ZNF676: variants seen among roughly 807,000 people sequenced by gnomAD.
The protein encoded by ZNF676 is zinc finger protein 676.
ZNF676 carries 4 observed loss-of-function variants against 6.0 expected under a neutral mutation model. The ratio of observed to expected loss-of-function variants is 0.67; its 90% CI spans 0.33 to 1.53. ZNF676 has a LOEUF of 1.53. Ranked by LOEUF, ZNF676 falls within the 40% of genes most tolerant of loss-of-function variation. The pLI is 0.06. For missense variants in ZNF676, 644 were observed against 679.7 expected (o/e 0.95, Z 0.58); for synonymous variants, 198 against 223.1 (o/e 0.89, Z 1.00).
At chr19:22,221,528 A>T in the ZNF676 span, among the ~76,000 whole-genome samples, 366 of 152,292 alleles carry the variant, frequency 2.4e-3, 2 homozygotes, top group African/African-American at 8.5e-3. Flanking sequence ...AGGCAGGTGG[A>T]TAACCTGAGG....
At chr19:22,224,292 G>A in the ZNF676 span, among the ~76,000 whole-genome samples, 36 of 151,182 alleles carry the variant, frequency 2.4e-4, no homozygotes, top group African/African-American at 8.7e-4. Context: ...TTTGTTTTAC[G>A]TATTATAATT....
chr19:22,220,899 A>G, the ZNF676 span, among the ~76,000 whole-genome samples: 1 of 152,112 alleles, frequency 6.6e-6, no homozygotes, highest in African/African-American at 2.4e-5. Flanking sequence ...TGAGCATGTA[A>G]AGGTATTCGT....
At chr19:22,186,240 A>G (rs533868810) in intron 2 of ZNF676, among the ~76,000 whole-genome samples, 2 of 152,304 alleles carry the variant, frequency 1.3e-5, no homozygotes, top group South Asian at 2.1e-4. Context: ...ATTCTTAAAG[A>G]TAGGAATTTT....
chr19:22,185,715 C>G (rs1203034033), intron 2 of ZNF676, among the ~76,000 whole-genome samples: 2 of 152,058 alleles, frequency 1.3e-5, no homozygotes, highest in African/African-American at 4.8e-5. Context: ...AAAAACACAG[C>G]ACGAGAACTT....
the ZNF676 span, among the ~76,000 whole-genome samples, chr19:22,229,400 T>A: frequency 1.3e-5 from 2 of 152,112 alleles, no homozygotes; most frequent in Non-Finnish European, 2.9e-5. Flanking sequence ...ATAAAAACCC[T>A]AGAAGAAAAC....
the ZNF676 span, among the ~76,000 whole-genome samples, chr19:22,251,537 C>T: frequency 2.0e-5 from 3 of 152,166 alleles, no homozygotes; most frequent in Admixed American, 1.3e-4. Flanking sequence ...TGCCTGTAAT[C>T]CCAGCACTTT....
chr19:22,228,990 G>GA, the ZNF676 span, among the ~76,000 whole-genome samples: 1 of 151,996 alleles, frequency 6.6e-6, no homozygotes, highest in Admixed American at 6.6e-5. Flanking sequence ...CACAGCATTG[G>GA]AAAAAACTAC....
At chr19:22,239,329 C>G in the ZNF676 span, among the ~76,000 whole-genome samples, 1 of 151,716 alleles carries the variant, frequency 6.6e-6, no homozygotes, top group Non-Finnish European at 1.5e-5. Flanking sequence ...GCACCCGCCA[C>G]CATGCCCGGC....
chr19:22,231,986 C>T, the ZNF676 span, among the ~76,000 whole-genome samples: 3 of 151,946 alleles, frequency 2.0e-5, no homozygotes, highest in Admixed American at 2.0e-4. Flanking sequence ...CAAGCCATTA[C>T]AAAATAATAG....
the ZNF676 span, among the ~76,000 whole-genome samples, chr19:22,251,555 C>T: frequency 0.019 from 2,875 of 152,058 alleles, 90 homozygotes; most frequent in African/African-American, 0.066. Context: ...TTTGGGAGGC[C>T]GAGGTGGGCA....
intron 1 of ZNF676, among the ~76,000 whole-genome samples, chr19:22,206,390 C>G (rs962775717): frequency 6.6e-6 from 1 of 152,004 alleles, no homozygotes; most frequent in Admixed American, 6.6e-5. Flanking sequence ...CTTCAACAAA[C>G]AGCTGGGCCC....
Position 22,182,593 on chromosome 19 carries a change from A to AAAACAAAAAAAAAAAC in ZNF676, c.131-1008_131-1007insGTTTTTTTTTTTGTTT, listed in dbSNP as rs1555773384. Among the ~76,000 whole-genome samples, 10 of 90,928 alleles carry AAAACAAAAAAAAAAAC rather than the reference A, an allele frequency of 1.1e-4. 1 individual carries two copies. Among genetic ancestry groups the AAAACAAAAAAAAAAAC allele is most frequent in the Non-Finnish European group, 1.5e-4 (7 of 47,742 alleles). 59.7% of individuals were successfully genotyped at this position (90,928 alleles called of 152,430 possible). A position where few individuals can be genotyped will look rare whatever the true frequency, so the allele number is the denominator to read the frequency against. ...TGATATAGTCAAAGTTCTAAAAAAA[A>AAAACAAAAAAAAAAAC]AAAAAAAAAGCAAACAAAAAAAAGA... is the stretch of plus-strand genomic sequence containing the variant. On this transcript the variant is annotated intron_variant, in intron 2 of 2. Transcript: ENST00000397121.
chr19:22,190,663 A>G (rs2023895535), intron 2 of ZNF676, among the ~76,000 whole-genome samples: 1 of 94,392 alleles, frequency 1.1e-5, no homozygotes, highest in East Asian at 2.8e-4. Context: ...ATATATATAT[A>G]TACATACACA....
chr19:22,225,760 TTTAA>T, the ZNF676 span, among the ~76,000 whole-genome samples: 1 of 152,182 alleles, frequency 6.6e-6, no homozygotes, highest in Non-Finnish European at 1.5e-5. Context: ...AAAAATTTAG[TTTAA>T]TTAGTTTTCC....
intron 2 of ZNF676, 33 bp from the exon 3 acceptor site, chr19:22,181,619 C>T (rs774156508): frequency 1.2e-5 from 17 of 1,446,546 alleles, no homozygotes; most frequent in African/African-American, 2.9e-5. Flanking sequence ...AATTAATCTA[C>T]ATATTAGACT....
At chr19:22,247,292 G>A in the ZNF676 span, among the ~76,000 whole-genome samples, 1 of 152,122 alleles carries the variant, frequency 6.6e-6, no homozygotes, top group Non-Finnish European at 1.5e-5. Context: ...GGCCAGGCAC[G>A]GCGGCTCATG....
At chr19:22,241,109 T>C in the ZNF676 span, among the ~76,000 whole-genome samples, 1 of 151,866 alleles carries the variant, frequency 6.6e-6, no homozygotes, top group Non-Finnish European at 1.5e-5. Flanking sequence ...TCACATCAGC[T>C]AAGTGCTTGG....
chr19:22,223,388 A>C, the ZNF676 span, among the ~76,000 whole-genome samples: 1 of 152,192 alleles, frequency 6.6e-6, no homozygotes, highest in African/African-American at 2.4e-5. Flanking sequence ...GAAATTCTTC[A>C]ACCTGAATGT....
the ZNF676 span, chr19:22,259,732 ACAT>A: frequency 2.0e-5 from 3 of 152,250 alleles, no homozygotes; most frequent in Non-Finnish European, 4.4e-5. Flanking sequence ...CAGAAGACTC[ACAT>A]CATGTTGGTG....
Sources: allele counts gnomAD v4.1 joint callset (sites outside exome capture counted in the v4.1 genomes callset), GRCh38; gene constraint gnomAD v4.1.1; transcripts MANE v1.5; gene names NCBI Gene and HGNC (gene_info 2026-07-23, HGNC 2026-07-21).